The following MYO16 variants were observed in gnomAD, a reference collection of about 807,000 sequenced individuals.
The protein encoded by MYO16 is myosin XVI.
MYO16 carries 94 observed loss-of-function variants against 205.3 expected under a neutral mutation model. The ratio of observed to expected loss-of-function variants is 0.46; its 90% CI spans 0.39 to 0.54. The LOEUF is 0.54. MYO16 is among the 20% of genes least tolerant of loss of function. MYO16 has a pLI of 0.00. For synonymous variants in MYO16, 988 were observed against 954.0 expected (o/e 1.04, Z -0.66); for missense variants, 2,315 against 2,387.5 (o/e 0.97, Z 0.63).
At chr13:109,081,326 C>T (rs1394233109) in intron 27 of MYO16, among the ~76,000 whole-genome samples, 2 of 152,084 alleles carry the variant, frequency 1.3e-5, no homozygotes, top group East Asian at 1.9e-4. Context: ...TCTCTGAAGA[C>T]CTAAAAGCTT....
At chr13:108,637,873 A>G (rs1288090492) in intron 1 of MYO16, among the ~76,000 whole-genome samples, 1 of 152,062 alleles carries the variant, frequency 6.6e-6, no homozygotes, top group South Asian at 2.1e-4. Flanking sequence ...AAATAGATTA[A>G]TTAATTAATT....
intron 16 of MYO16, among the ~76,000 whole-genome samples, chr13:108,916,232 C>T (rs1401690368): frequency 1.3e-5 from 2 of 152,148 alleles, no homozygotes; most frequent in Non-Finnish European, 2.9e-5. Context: ...GTTCATGGGG[C>T]ACTTCCCATG....
chr13:108,519,129 A>T, the MYO16 span, among the ~76,000 whole-genome samples: 742 of 152,328 alleles, frequency 4.9e-3, 7 homozygotes, highest in African/African-American at 0.016. Flanking sequence ...TCAGTAGCAT[A>T]AACACATTTC....
At chr13:108,805,957 T>TAAATAAATAAATAAATAAAA (rs1053138109) in intron 6 of MYO16, among the ~76,000 whole-genome samples, 2 of 151,224 alleles carry the variant, frequency 1.3e-5, no homozygotes, top group Non-Finnish European at 1.5e-5. Context: ...AATAAATAAA[T>TAAATAAATAAATAAATAAAA]AAAATTAGCT....
the MYO16 span, among the ~76,000 whole-genome samples, chr13:108,544,578 G>A: frequency 2.0e-5 from 3 of 151,868 alleles, no homozygotes. Context: ...AGTTATAAAA[G>A]GTTATATAGT....
At chr13:108,979,032 T>C (rs1884367619) in intron 20 of MYO16, among the ~76,000 whole-genome samples, 1 of 152,068 alleles carries the variant, frequency 6.6e-6, no homozygotes, top group South Asian at 2.1e-4. Flanking sequence ...TTTACATTCC[T>C]GATACTGTTT....
intron 2 of MYO16, among the ~76,000 whole-genome samples, chr13:108,679,476 T>A (rs1204192475): frequency 6.6e-6 from 1 of 152,106 alleles, no homozygotes; most frequent in South Asian, 2.1e-4. Context: ...AAGTAGGTGA[T>A]CAATAATATT....
At chr13:109,095,278 G>T (rs937127572) in intron 27 of MYO16, among the ~76,000 whole-genome samples, 1 of 152,206 alleles carries the variant, frequency 6.6e-6, no homozygotes, top group Admixed American at 6.5e-5. Context: ...GATGACAGAC[G>T]CTGGGACAGT....
intron 27 of MYO16, among the ~76,000 whole-genome samples, chr13:109,098,980 C>T (rs1888866865): frequency 6.6e-6 from 1 of 152,182 alleles, no homozygotes; most frequent in Non-Finnish European, 1.5e-5. Context: ...TGTCAAACGA[C>T]CCTAGAATGT....
intron 22 of MYO16, 112 bp downstream of exon 22, chr13:109,009,161 A>T: frequency 1.2e-6 from 1 of 838,340 alleles, no homozygotes; most frequent in Non-Finnish European, 1.7e-6. Flanking sequence ...TATATGTGAG[A>T]TTCTGCAATA....
chr13:108,715,361 C>T (rs1236269095), intron 3 of MYO16, among the ~76,000 whole-genome samples: 1 of 152,186 alleles, frequency 6.6e-6, no homozygotes, highest in Non-Finnish European at 1.5e-5. Context: ...CCACTGACGC[C>T]TCACAAGCAA....
intron 1 of MYO16, among the ~76,000 whole-genome samples, chr13:108,649,459 C>A (rs1266442053): frequency 6.6e-6 from 1 of 151,982 alleles, no homozygotes; most frequent in African/African-American, 2.4e-5. Context: ...GGGAAGGATG[C>A]TCCCAGAAAA....
the MYO16 span, among the ~76,000 whole-genome samples, chr13:108,527,865 G>A: frequency 4.6e-5 from 7 of 152,256 alleles, no homozygotes; most frequent in African/African-American, 1.7e-4. Context: ...TAAGTTAGCA[G>A]TATGCCAATG....
At chr13:108,863,022 T>C (rs1221723129) in intron 11 of MYO16, among the ~76,000 whole-genome samples, 1 of 152,182 alleles carries the variant, frequency 6.6e-6, no homozygotes, top group Non-Finnish European at 1.5e-5. Context: ...TCACGGGTAA[T>C]ATATAGAGAA....
At chr13:108,534,751 C>A in the MYO16 span, among the ~76,000 whole-genome samples, 1 of 151,326 alleles carries the variant, frequency 6.6e-6, no homozygotes, top group Non-Finnish European at 1.5e-5. Flanking sequence ...TACAACTCCT[C>A]CTCCTCCTCC....
intron 2 of MYO16, among the ~76,000 whole-genome samples, chr13:108,689,737 G>A (rs1294678871): frequency 2.0e-5 from 3 of 151,866 alleles, no homozygotes; most frequent in African/African-American, 2.4e-5. Context: ...CAGCAAAGAA[G>A]TTAAAGCCGA....
At chr13:109,050,482 A>G (rs1887210432) in intron 24 of MYO16, among the ~76,000 whole-genome samples, 1 of 152,186 alleles carries the variant, frequency 6.6e-6, no homozygotes. Flanking sequence ...TTTTTCTAAC[A>G]TAAAGCTTGC....
intron 14 of MYO16, among the ~76,000 whole-genome samples, chr13:108,890,476 GCC>G (rs1880118708): frequency 6.6e-6 from 1 of 152,128 alleles, no homozygotes; most frequent in Non-Finnish European, 1.5e-5. Flanking sequence ...GTCAGGTAGG[GCC>G]CAGGCCCTGT....
At chr13:108,594,190 A>C (rs990217561), upstream of MYO16, among the ~76,000 whole-genome samples, 7 of 152,224 alleles carry the variant, frequency 4.6e-5, no homozygotes, top group Admixed American at 4.6e-4. Context: ...CCATGAGGCC[A>C]ATCATAGAAC....
Sources: gnomAD v4.1 joint callset for allele counts (sites outside exome capture counted in the v4.1 genomes callset) on GRCh38, gnomAD v4.1.1 for gene constraint, MANE v1.5 for transcripts, NCBI Gene and HGNC (gene_info 2026-07-23, HGNC 2026-07-21) for gene names.